ARL5B: variants seen among roughly 807,000 people sequenced by gnomAD.
The protein encoded by ARL5B is ADP-ribosylation factor-like protein 5B.
In ARL5B, 10 loss-of-function variants were observed where a neutral mutation model predicts 26.9. The observed-to-expected ratio is 0.37, with a 90% CI of 0.23 to 0.63. The LOEUF is 0.63. Among genes scored for constraint, ARL5B ranks in the 30% least tolerant of loss-of-function variants. The probability of loss-of-function intolerance (pLI) is 0.62; values close to 1 mark genes in which losing one functional copy is unlikely to be tolerated. For synonymous variants in ARL5B, 87 were observed against 70.4 expected, an observed-to-expected ratio of 1.24 and a Z score of -1.18; for missense variants, 167 against 213.9, an observed-to-expected ratio of 0.78 and a Z score of 1.37.
intron 1 of ARL5B, among the ~76,000 whole-genome samples, chr10:18,661,731 T>G (rs1178130907): frequency 6.6e-6 from 1 of 152,218 alleles, no homozygotes; most frequent in Non-Finnish European, 1.5e-5. Context: ...AAGGTATACT[T>G]GGACGTAATG....
rs886545161 is a variant in ARL5B at position 18,680,995 on chromosome 10, T to C, written c.*5779T>C. ...TTTAAAGTGTCTATATTCATATATA[T>C]GTGCATTTCTTAAGATTTAAATACA... On this transcript the variant is annotated 3_prime_UTR_variant, in exon 6 of 6. Coordinates refer to ENST00000377275, the MANE Select transcript of ARL5B (RefSeq NM_178815.5). The C allele has an allele frequency of 7.2e-5, 11 of 152,232 alleles. No individual in the cohort carries two copies. The highest frequency in any genetic ancestry group is 1.3e-4 in the Non-Finnish European group (9 of 68,024). The allele number at this position is 152,232 out of a possible 1,614,324, so 9.4% of individuals were successfully genotyped here.
intron 3 of ARL5B, among the ~76,000 whole-genome samples, chr10:18,669,736 T>TA (rs1223972145): frequency 7.9e-5 from 12 of 152,136 alleles, no homozygotes; most frequent in Non-Finnish European, 1.3e-4. Flanking sequence ...CTCACGCCTG[T>TA]AATCCCAGCA....
chr10:18,676,994 A>C lies in ARL5B; in HGVS notation c.*1778A>C, dbSNP rs779113093. On this transcript the variant is annotated 3_prime_UTR_variant, in exon 6 of 6. Coordinates refer to ENST00000377275, the MANE Select transcript of ARL5B (RefSeq NM_178815.5). Reference sequence around the variant, plus strand: ...AATATAACCCATAATCAAGAACATGAGCGAAAAGCAGACATAAATCGATAT... The same window carrying C: ...AATATAACCCATAATCAAGAACATGCGCGAAAAGCAGACATAAATCGATAT... 1.3e-5 allele frequency: 2 copies of C among 152,324 alleles called. No homozygotes were observed. The highest frequency in any genetic ancestry group is 6.6e-5 in the Admixed American group (1 of 15,224). The allele number at this position is 152,324 out of a possible 1,614,324, so 9.4% of individuals were successfully genotyped here.
Position 18,677,718 on chromosome 10 carries a change from A to G in ARL5B, c.*2502A>G, listed in dbSNP as rs567387886. 166 of 152,392 alleles carry G rather than the reference A, an allele frequency of 1.1e-3. No individual in the cohort carries two copies. Among genetic ancestry groups the G allele is most frequent in the African/African-American group, 3.8e-3 (157 of 41,538 alleles). The allele number at this position is 152,392 out of a possible 1,614,324, so 9.4% of individuals were successfully genotyped here. On this transcript the variant is annotated 3_prime_UTR_variant, in exon 6 of 6. Coordinates refer to ENST00000377275, the MANE Select transcript of ARL5B (RefSeq NM_178815.5). ...ACATTTGTAATTAGTGCCTTTATTC[A>G]TATTTTGAAATAAGTTCTTAGTTTT...
At chr10:18,673,697 A>C (rs1301493277) in intron 4 of ARL5B, among the ~76,000 whole-genome samples, 1 of 152,022 alleles carries the variant, frequency 6.6e-6, no homozygotes, top group Admixed American at 6.6e-5. Context: ...GCAACATACT[A>C]CCATATTTGC....
In ARL5B at chr10:18,675,439, T is replaced by C; in HGVS notation, c.*223T>C. 2.1e-6 allele frequency: 1 copy of C among 487,706 alleles called. No individual in the cohort carries two copies. The allele number at this position is 487,706 out of a possible 1,614,324, so 30.2% of individuals were successfully genotyped here. ...GTTGGATGAATGTAATGTATAACTATGTTTTCAGCAACAATTCTTCTGTTT... is the reference window on the plus strand; with the variant it reads ...GTTGGATGAATGTAATGTATAACTACGTTTTCAGCAACAATTCTTCTGTTT... On this transcript the variant is annotated 3_prime_UTR_variant, in exon 6 of 6. Transcript: ENST00000377275.
intron 1 of ARL5B, among the ~76,000 whole-genome samples, chr10:18,665,146 TAACA>T (rs35126098): frequency 0.1 from 15,480 of 152,134 alleles, 1,126 homozygotes; most frequent in Admixed American, 0.16. Flanking sequence ...CTTTAAGGGA[TAACA>T]AACAGGGTAA....
intron 1 of ARL5B, among the ~76,000 whole-genome samples, chr10:18,661,271 C>G (rs1467912310): frequency 6.6e-6 from 1 of 152,202 alleles, no homozygotes; most frequent in Admixed American, 6.5e-5. Flanking sequence ...CCCTTTATAT[C>G]CTTTCCCGTT....
intron 1 of ARL5B, among the ~76,000 whole-genome samples, chr10:18,662,260 A>G (rs948963920): frequency 3.0e-4 from 45 of 152,208 alleles, no homozygotes; most frequent in African/African-American, 1.0e-3. Flanking sequence ...AGAACTACTG[A>G]TCTTACTTTA....
intron 4 of ARL5B, among the ~76,000 whole-genome samples, chr10:18,673,368 A>G (rs1418868283): frequency 2.6e-5 from 4 of 152,044 alleles, no homozygotes; most frequent in Admixed American, 1.3e-4. Context: ...CCTGTATTCC[A>G]TGTTTTTCAA....
rs2059928763 is a variant in ARL5B, at chr10:18,680,753, T to C, written c.*5537T>C. 1 of 152,148 alleles carries C rather than the reference T, an allele frequency of 6.6e-6. No individual in the cohort carries two copies. Among genetic ancestry groups the C allele is most frequent in the African/African-American group, 2.4e-5 (1 of 41,450 alleles). The allele number at this position is 152,148 out of a possible 1,614,324, so 9.4% of individuals were successfully genotyped here. A position where few individuals can be genotyped will look rare whatever the true frequency, so the allele number is the denominator to read the frequency against. Reference sequence around the variant, plus strand: ...TCAATTACAGAATAGTTACAAATTTTACCATGTTCATCTATTCCACAGAGC... The same window carrying C: ...TCAATTACAGAATAGTTACAAATTTCACCATGTTCATCTATTCCACAGAGC... On this transcript the variant is annotated 3_prime_UTR_variant, in exon 6 of 6. Coordinates refer to ENST00000377275, the MANE Select transcript of ARL5B (RefSeq NM_178815.5).
rs946179724 is a variant in ARL5B at position 18,679,120 on chromosome 10, C to T, written c.*3904C>T. ...CAAGTAGGGAAAAACGTATCAGTAA[C>T]TGCTATTCAACTTAAATTCAGCGAA... On this transcript the variant is annotated 3_prime_UTR_variant, in exon 6 of 6. Transcript: ENST00000377275. The T allele has an allele frequency of 6.6e-6, 1 of 151,742 alleles. No individual in the cohort carries two copies. The highest frequency in any genetic ancestry group is 1.9e-4 in the East Asian group (1 of 5,186). The allele number at this position is 151,742 out of a possible 1,614,324, so 9.4% of individuals were successfully genotyped here. A position where few individuals can be genotyped will look rare whatever the true frequency, so the allele number is the denominator to read the frequency against.
At chr10:18,664,235 A>C (rs1452765636) in intron 1 of ARL5B, among the ~76,000 whole-genome samples, 1 of 152,000 alleles carries the variant, frequency 6.6e-6, no homozygotes, top group African/African-American at 2.4e-5. Flanking sequence ...TACAGGTGTG[A>C]GCCACCATGC....
rs889710752 is a variant in ARL5B, at chr10:18,679,177, T to C, written c.*3961T>C. 5 of 151,834 alleles carry C rather than the reference T, an allele frequency of 3.3e-5. No individual in the cohort carries two copies. The highest frequency in any genetic ancestry group is 5.9e-5 in the Non-Finnish European group (4 of 67,794). 9.4% of individuals were successfully genotyped at this position (151,834 alleles called of 1,614,324 possible). Reference sequence around the variant, plus strand: ...GCTGAATAGAAATAGCTAATGACAATGCAAAAGAGAAAACAAGCCATATTG... The same window carrying C: ...GCTGAATAGAAATAGCTAATGACAACGCAAAAGAGAAAACAAGCCATATTG... On this transcript the variant is annotated 3_prime_UTR_variant, in exon 6 of 6. Coordinates refer to ENST00000377275, the MANE Select transcript of ARL5B (RefSeq NM_178815.5).
chr10:18,668,997 G>A (rs868386728), intron 3 of ARL5B, among the ~76,000 whole-genome samples: 1 of 152,074 alleles, frequency 6.6e-6, no homozygotes, highest in African/African-American at 2.4e-5. Context: ...TCTTGAATTC[G>A]GGACCTCGTG....
chr10:18,670,743 G>GTCAAAGTTGAT (rs2131644006), intron 3 of ARL5B, among the ~76,000 whole-genome samples: 1 of 152,326 alleles, frequency 6.6e-6, no homozygotes, highest in Admixed American at 6.5e-5. Context: ...TGATGAATAG[G>GTCAAAGTTGAT]TCAAAGTTGA....
rs2131653925 is a variant in ARL5B at position 18,678,635 on chromosome 10, TTCTTTGGAATTTA to T, written c.*3428_*3440del. 6.6e-6 allele frequency: 1 copy of T among 151,918 alleles called. No homozygotes were observed. Among genetic ancestry groups the T allele is most frequent in the South Asian group, 2.1e-4 (1 of 4,826 alleles). The allele number at this position is 151,918 out of a possible 1,614,324, so 9.4% of individuals were successfully genotyped here. A position where few individuals can be genotyped will look rare whatever the true frequency, so the allele number is the denominator to read the frequency against. On this transcript the variant is annotated 3_prime_UTR_variant, in exon 6 of 6. Transcript: ENST00000377275. ...GTGTCGTGTCTAAAGATGGATAAATTTCTTTGGAATTTATCTTTGGAGACCAACTTTATGAGGC... is the reference window on the plus strand; with the variant it reads ...GTGTCGTGTCTAAAGATGGATAAATTTCTTTGGAGACCAACTTTATGAGGC...
intron 3 of ARL5B, among the ~76,000 whole-genome samples, chr10:18,670,863 C>G (rs1269661101): frequency 6.6e-6 from 1 of 152,132 alleles, no homozygotes; most frequent in African/African-American, 2.4e-5. Flanking sequence ...ATTACTGATG[C>G]CATTTGCATG....
In ARL5B at chr10:18,660,320, C is replaced by G. The variant is rs193123199; in HGVS notation, c.46+637C>G. Among the ~76,000 whole-genome samples, 430 of 152,156 alleles carry G rather than the reference C, an allele frequency of 2.8e-3. 3 individuals are homozygous for G. The highest frequency in any genetic ancestry group is 9.4e-3 in the African/African-American group (388 of 41,496). ...TAGTCTGTAACAGGTAATGAGACAC[C>G]TGGAAGTGGCAGGTCCAAAGGGCCG... On this transcript the variant is annotated intron_variant, in intron 1 of 5. Transcript: ENST00000377275.
Sources: gnomAD v4.1 joint callset for allele counts (sites outside exome capture counted in the v4.1 genomes callset) on GRCh38, gnomAD v4.1.1 for gene constraint, MANE v1.5 for transcripts, NCBI Gene and HGNC (gene_info 2026-07-23, HGNC 2026-07-21) for gene names.